MTX2: variants seen among roughly 807,000 people sequenced by gnomAD.
MTX2 encodes the protein metaxin 2, also known as metaxin-2.
In MTX2, 35 loss-of-function variants were observed where a neutral mutation model predicts 42.3. The observed-to-expected ratio is 0.83, with a 90% CI of 0.63 to 1.10. The LOEUF (loss-of-function observed/expected upper bound fraction) is 1.10. Among genes scored for constraint, MTX2 ranks in the 50% least tolerant of loss-of-function variants. The probability of loss-of-function intolerance (pLI) is 0.00; values close to 1 mark genes in which losing one functional copy is unlikely to be tolerated. For synonymous variants in MTX2, 119 were observed against 100.9 expected (o/e 1.18, Z -1.08); for missense variants, 307 against 304.1 (o/e 1.01, Z -0.07).
intron 4 of MTX2, 78 bp from the exon 5 acceptor site, chr2:176,326,747 G>T: frequency 1.1e-6 from 1 of 919,834 alleles, no homozygotes; most frequent in South Asian, 1.9e-5. Context: ...CCTGAGTTTT[G>T]TGTTAATTTT....
At chr2:176,313,247 C>A (rs1335926815) in intron 3 of MTX2, among the ~76,000 whole-genome samples, 3 of 151,958 alleles carry the variant, frequency 2.0e-5, no homozygotes, top group Non-Finnish European at 4.4e-5. Context: ...TTCAGTTAAT[C>A]TGCCTGATTG....
At chr2:176,284,751 A>G (rs765320663) in intron 1 of MTX2, among the ~76,000 whole-genome samples, 1 of 152,220 alleles carries the variant, frequency 6.6e-6, no homozygotes, top group Admixed American at 6.5e-5. Flanking sequence ...ATTAATCTAC[A>G]CACATCCTTA....
At chr2:176,312,668 A>C (rs1684342773) in intron 3 of MTX2, among the ~76,000 whole-genome samples, 1 of 152,000 alleles carries the variant, frequency 6.6e-6, no homozygotes, top group Non-Finnish European at 1.5e-5. Flanking sequence ...GTTTGAGACC[A>C]GCCTGTCCAA....
intron 3 of MTX2, among the ~76,000 whole-genome samples, chr2:176,322,129 A>AT (rs1363167941): frequency 6.6e-6 from 1 of 152,136 alleles, no homozygotes; most frequent in African/African-American, 2.4e-5. Flanking sequence ...CGTGGGATTT[A>AT]TTTTTGGAGG....
chr2:176,292,602 A>G (rs933491931), intron 1 of MTX2, among the ~76,000 whole-genome samples: 2 of 152,186 alleles, frequency 1.3e-5, no homozygotes, highest in African/African-American at 4.8e-5. Flanking sequence ...TTCATGATTC[A>G]TAGATTTACA....
intron 1 of MTX2, among the ~76,000 whole-genome samples, chr2:176,282,770 C>A (rs1693112612): frequency 6.7e-6 from 1 of 150,130 alleles, no homozygotes; most frequent in Non-Finnish European, 1.5e-5. Flanking sequence ...GTCGCACGAT[C>A]TCAGCTCACT....
intron 4 of MTX2, among the ~76,000 whole-genome samples, chr2:176,325,239 C>G (rs1039074878): frequency 1.3e-5 from 2 of 151,696 alleles, no homozygotes; most frequent in African/African-American, 4.8e-5. Context: ...AGTGATTATT[C>G]TGTCTAAGAC....
At chr2:176,328,596 T>G (rs1050273128) in intron 6 of MTX2, among the ~76,000 whole-genome samples, 5 of 151,266 alleles carry the variant, frequency 3.3e-5, no homozygotes, top group African/African-American at 9.7e-5. Flanking sequence ...AAAGGAGTGA[T>G]TCTTGCCTAC....
At chr2:176,316,247 C>T (rs1362013169) in intron 3 of MTX2, among the ~76,000 whole-genome samples, 1 of 152,128 alleles carries the variant, frequency 6.6e-6, no homozygotes, top group Non-Finnish European at 1.5e-5. Context: ...AAGAAACAGC[C>T]TCATGAAAAG....
At chr2:176,310,001 G>A (rs1684261342) in intron 3 of MTX2, among the ~76,000 whole-genome samples, 1 of 152,056 alleles carries the variant, frequency 6.6e-6, no homozygotes, top group Non-Finnish European at 1.5e-5. Flanking sequence ...TCGTAACATC[G>A]ATGGTCTTTA....
chr2:176,272,145 TAGAA>T (rs1692829592), intron 1 of MTX2, among the ~76,000 whole-genome samples: 1 of 152,112 alleles, frequency 6.6e-6, no homozygotes, highest in Admixed American at 6.5e-5. Context: ...AAGCTAGACA[TAGAA>T]AGACAAGTAG....
intron 1 of MTX2, among the ~76,000 whole-genome samples, chr2:176,289,193 AT>A (rs541436928): frequency 6.6e-6 from 1 of 151,950 alleles, no homozygotes; most frequent in Non-Finnish European, 1.5e-5. Flanking sequence ...GCAAATACTT[AT>A]TTTTTTGGGT....
At chr2:176,305,838 T>G (rs1218179728) in intron 3 of MTX2, among the ~76,000 whole-genome samples, 1 of 152,102 alleles carries the variant, frequency 6.6e-6, no homozygotes, top group Non-Finnish European at 1.5e-5. Flanking sequence ...ACATTTCATA[T>G]TTTTTGGTAA....
At chr2:176,326,427 C>G (rs1041966786) in intron 4 of MTX2, among the ~76,000 whole-genome samples, 1 of 151,634 alleles carries the variant, frequency 6.6e-6, no homozygotes, top group African/African-American at 2.4e-5. Context: ...GATTGATTCA[C>G]TGTACTCTGA....
chr2:176,270,371 T>C (rs767386901), intron 1 of MTX2: 3 of 1,363,496 alleles, frequency 2.2e-6, no homozygotes, highest in Admixed American at 1.9e-5. Context: ...GCATGTACTT[T>C]AAAGAAATAC....
chr2:176,312,452 A>G (rs1403181313), intron 3 of MTX2, among the ~76,000 whole-genome samples: 2 of 152,216 alleles, frequency 1.3e-5, no homozygotes, highest in Admixed American at 1.3e-4. Flanking sequence ...GACTCTAAAA[A>G]TTATTCACAA....
intron 9 of MTX2, 38 bp from the exon 10 acceptor site, chr2:176,337,455 A>C: frequency 1.3e-6 from 2 of 1,506,486 alleles, no homozygotes; most frequent in South Asian, 2.6e-5. Flanking sequence ...TAAAAGTTAA[A>C]TGCTACTTAC....
chr2:176,270,570 A>C (rs1692784055), intron 1 of MTX2: 3 of 369,472 alleles, frequency 8.1e-6, no homozygotes, highest in Non-Finnish European at 1.5e-5. Flanking sequence ...ACATGAGTAC[A>C]GTAATGAAGA....
chr2:176,306,838 T>G (rs184750394), intron 3 of MTX2, among the ~76,000 whole-genome samples: 65 of 152,270 alleles, frequency 4.3e-4, no homozygotes, highest in African/African-American at 1.3e-3. Flanking sequence ...TTGCAAAAAT[T>G]TTCTCCCATT....
Sources: allele counts gnomAD v4.1 joint callset (sites outside exome capture counted in the v4.1 genomes callset), GRCh38; gene constraint gnomAD v4.1.1; transcripts MANE v1.5; gene names NCBI Gene and HGNC (gene_info 2026-07-23, HGNC 2026-07-21).